Variants in TNRC18 observed in about 807,000 individuals in gnomAD.
The protein encoded by TNRC18 is trinucleotide repeat containing 18.
In TNRC18, 69 loss-of-function variants were observed where a neutral mutation model predicts 226.7. That is an observed-to-expected ratio of 0.30 (90% CI 0.25 to 0.37). TNRC18 has a LOEUF of 0.37. TNRC18 is among the 10% of genes least tolerant of loss of function. TNRC18 has a pLI of 1.00. For synonymous variants in TNRC18, 2,449 were observed against 1,927.6 expected (o/e 1.27, Z -7.09); for missense variants, 4,754 against 4,256.6 (o/e 1.12, Z -3.25).
At chr7:5,369,528 G>A (rs943721616) in intron 11 of TNRC18, among the ~76,000 whole-genome samples, 2 of 152,050 alleles carry the variant, frequency 1.3e-5, no homozygotes, top group South Asian at 2.1e-4. Context: ...ACAGTAAGTC[G>A]GCCTTGAATG....
intron 2 of TNRC18, among the ~76,000 whole-genome samples, chr7:5,401,230 G>C (rs534774371): frequency 1.3e-4 from 19 of 147,486 alleles, no homozygotes; most frequent in South Asian, 9.0e-4. Flanking sequence ...TTCGAGTCGG[G>C]GGGGGGCGGG....
chr7:5,356,169 A>T (rs78374940), intron 16 of TNRC18, among the ~76,000 whole-genome samples: 21 of 114,952 alleles, frequency 1.8e-4, no homozygotes, highest in South Asian at 3.3e-4. Context: ...GTCTCAAATT[A>T]AAAAAAAAAA....
chr7:5,421,980 C>G (rs1410402603), intron 1 of TNRC18, among the ~76,000 whole-genome samples: 2 of 152,168 alleles, frequency 1.3e-5, no homozygotes, highest in Non-Finnish European at 2.9e-5. Context: ...CCTCCCTTTT[C>G]CGAGTTTGGT....
intron 27 of TNRC18, among the ~76,000 whole-genome samples, chr7:5,311,942 C>T (rs1787261910): frequency 6.6e-6 from 1 of 151,942 alleles, no homozygotes; most frequent in African/African-American, 2.4e-5. Context: ...TGAGATCATC[C>T]TGACCCACAT....
Position 5,389,463 on chromosome 7 carries a change from T to TG in TNRC18, c.488-128_488-127insC, listed in dbSNP as rs1780119573. The TG allele has an allele frequency of 9.4e-6, 10 of 1,068,380 alleles. No homozygotes were observed. In the Admixed American group the frequency reaches 3.2e-4, roughly 34 times the overall value. 66.2% of individuals were successfully genotyped at this position (1,068,380 alleles called of 1,614,324 possible). On this transcript the variant is annotated intron_variant, in intron 4 of 29. Transcript: ENST00000430969. ...CCTCCCCCAGTGTTTTGGTTTTGGT[T>TG]TTTTTTTTCAGAAAGAGTCTCGCTC...
At chr7:5,314,138 ATTATTT>A (rs936484698) in intron 26 of TNRC18, among the ~76,000 whole-genome samples, 16 of 149,560 alleles carry the variant, frequency 1.1e-4, no homozygotes, top group Admixed American at 3.3e-4. Flanking sequence ...TTTTTGTATT[ATTATTT>A]TTTTTTTTGT....
At chr7:5,366,052 G>A (rs1358531496) in intron 11 of TNRC18, among the ~76,000 whole-genome samples, 1 of 152,114 alleles carries the variant, frequency 6.6e-6, no homozygotes, top group African/African-American at 2.4e-5. Context: ...AGTGTGCAAA[G>A]TTCCAGAGAC....
Position 5,324,974 on chromosome 7 carries a change from A to C in TNRC18, c.6300+122T>G. On this transcript the variant is annotated intron_variant, in intron 20 of 29. Transcript: ENST00000430969. This position sits in a 1 kb window ranked among gnomAD's most constrained non-coding sequence, Gnocchi z 4.8. ...GGCCACATCACCCTCGTCACCCGCA[A>C]CCTCTCTGAGCCACAGCTATAGGGA... The C allele has an allele frequency of 4.9e-6, 6 of 1,223,140 alleles. No individual in the cohort carries two copies. Among genetic ancestry groups the C allele is most frequent in the Non-Finnish European group, 5.5e-6 (5 of 901,072 alleles). 75.8% of individuals were successfully genotyped at this position (1,223,140 alleles called of 1,614,324 possible).
At chr7:5,334,188 G>A (rs956204029) in intron 18 of TNRC18, among the ~76,000 whole-genome samples, 1 of 152,236 alleles carries the variant, frequency 6.6e-6, no homozygotes, top group Non-Finnish European at 1.5e-5. Flanking sequence ...GCAGCCGTGA[G>A]AGGCTTGCTC....
chr7:5,360,594 G>C (rs556284658), intron 14 of TNRC18, among the ~76,000 whole-genome samples: 1 of 152,002 alleles, frequency 6.6e-6, no homozygotes, highest in Non-Finnish European at 1.5e-5. Context: ...GCCCGAGGTC[G>C]GTCACACTAA....
At chr7:5,310,519 GC>G (rs748468739) in intron 27 of TNRC18, among the ~76,000 whole-genome samples, 2 of 152,148 alleles carry the variant, frequency 1.3e-5, no homozygotes, top group Non-Finnish European at 2.9e-5. Context: ...ACAGGTGTGA[GC>G]CACTGCGCCC....
At chr7:5,322,426 G>C (rs1788474647) in intron 21 of TNRC18, among the ~76,000 whole-genome samples, 1 of 152,124 alleles carries the variant, frequency 6.6e-6, no homozygotes, top group Admixed American at 6.5e-5. Context: ...AGCCTCCTGA[G>C]TAGCTGGGAC....
chr7:5,378,063 C>G, intron 5 of TNRC18, 39 bp from the exon 6 acceptor site: 1 of 1,568,770 alleles, frequency 6.4e-7, no homozygotes, highest in South Asian at 1.1e-5. Context: ...CCAGCCAGCA[C>G]CGAGCCCATC....
intron 3 of TNRC18, among the ~76,000 whole-genome samples, chr7:5,393,896 TG>T (rs753144585): frequency 1.1e-4 from 17 of 151,994 alleles, no homozygotes; most frequent in Non-Finnish European, 1.6e-4. Flanking sequence ...TTTGTGGAGA[TG>T]GGGTCTTGCT....
In TNRC18 at chr7:5,312,063, G is replaced by A. The variant is rs1001396985; in HGVS notation, c.8388+440C>T. 6.6e-6 allele frequency among the ~76,000 whole-genome samples: 1 copy of A among 152,120 alleles called. No homozygotes were observed. Among genetic ancestry groups the A allele is most frequent in the Non-Finnish European group, 1.5e-5 (1 of 68,022 alleles). On this transcript the variant is annotated intron_variant, in intron 27 of 29. Transcript: ENST00000430969. The surrounding 1 kb of genome is among the most constrained non-coding windows in gnomAD (Gnocchi z 6.3). ...ACGCAGGAGAATTGCTTGAACCCGG[G>A]AGGCAGAGGGTGCAGTAAGCCAAGA...
intron 17 of TNRC18, among the ~76,000 whole-genome samples, chr7:5,350,091 AG>A (rs1345940151): frequency 6.9e-6 from 1 of 144,142 alleles, no homozygotes; most frequent in Non-Finnish European, 1.5e-5. Flanking sequence ...CGCGGCTTTA[AG>A]GGGGCGTGGG....
chr7:5,379,125 A>T (rs1419994724), intron 5 of TNRC18, among the ~76,000 whole-genome samples: 1 of 152,006 alleles, frequency 6.6e-6, no homozygotes, highest in Non-Finnish European at 1.5e-5. Flanking sequence ...TGAACTCAGG[A>T]GGCAGAGGTT....
intron 9 of TNRC18, among the ~76,000 whole-genome samples, chr7:5,375,480 C>A (rs1008543290): frequency 1.3e-5 from 2 of 152,214 alleles, no homozygotes; most frequent in Admixed American, 1.3e-4. Flanking sequence ...GGCACTTGCC[C>A]ACGAGCACAC....
At chr7:5,317,456 TGGTGC>T (rs1392373709) in intron 24 of TNRC18, among the ~76,000 whole-genome samples, 2 of 152,078 alleles carry the variant, frequency 1.3e-5, no homozygotes, top group African/African-American at 4.8e-5. Flanking sequence ...CCGGGCATGG[TGGTGC>T]ATGCCTGTAA....
Sources: allele counts gnomAD v4.1 joint callset (sites outside exome capture counted in the v4.1 genomes callset), GRCh38; gene constraint gnomAD v4.1.1; non-coding constraint Gnocchi (gnomAD v3.1); transcripts MANE v1.5; gene names NCBI Gene and HGNC (gene_info 2026-07-23, HGNC 2026-07-21).